The following CSMD1 variants were observed in gnomAD, a reference collection of about 807,000 sequenced individuals.
CSMD1 encodes CUB and sushi domain-containing protein 1.
CSMD1 carries 213 observed loss-of-function variants against 417.5 expected under a neutral mutation model. The observed-to-expected ratio is 0.51, with a 90% CI of 0.46 to 0.57. The LOEUF (loss-of-function observed/expected upper bound fraction) is 0.57. CSMD1 is among the 20% of genes least tolerant of loss of function. The probability of loss-of-function intolerance (pLI) is 0.00; values close to 1 mark genes in which losing one functional copy is unlikely to be tolerated. For missense variants in CSMD1, 6,923 were observed against 4,529.7 expected (o/e 1.53, Z -15.17); for synonymous variants, 2,862 against 1,736.8 (o/e 1.65, Z -16.11).
Position 3,399,430 on chromosome 8 carries a change from T to C in CSMD1, c.2366A>G (p.Glu789Gly), listed in dbSNP as rs1424444674. The change falls in exon 16 of 70, where the codon GAA (glutamate) becomes GGA (glycine). Residue 789 changes from glutamate to glycine, a missense_variant. Coordinates refer to ENST00000635120, the MANE Select transcript of CSMD1 (RefSeq NM_033225.6). The part of the protein sequence containing the change: ...KDSLHCEWII[E>G]AKPGHSIKIT... ...TTTGATAGAGTGGCCTGGTTTTGCT[T>C]CAATTATCCATTCACAATGTAAAGA... 6.2e-7 allele frequency: 1 copy of C among 1,608,538 alleles called. No individual in the cohort carries two copies. The highest frequency in any genetic ancestry group is 8.5e-7 in the Non-Finnish European group (1 of 1,177,698).
At chr8:4,397,614 G>T (rs1044079898) in intron 3 of CSMD1, among the ~76,000 whole-genome samples, 1 of 123,682 alleles carries the variant, frequency 8.1e-6, no homozygotes, top group African/African-American at 3.1e-5. Context: ...ACTTTTATTT[G>T]CTAATGAAAC....
intron 4 of CSMD1, among the ~76,000 whole-genome samples, chr8:4,003,848 T>A (rs923153572): frequency 9.2e-5 from 2 of 21,644 alleles, no homozygotes; most frequent in Non-Finnish European, 2.2e-4. Flanking sequence ...ATGTGAACTA[T>A]TTAATCACAT....
At chr8:3,857,991 G>C (rs962236728) in intron 5 of CSMD1, among the ~76,000 whole-genome samples, 9 of 152,150 alleles carry the variant, frequency 5.9e-5, no homozygotes, top group African/African-American at 1.9e-4. Flanking sequence ...GGCATGGTGC[G>C]GTCTCTGCAC....
chr8:4,019,818 C>T (rs541505209), intron 4 of CSMD1, among the ~76,000 whole-genome samples: 1 of 151,792 alleles, frequency 6.6e-6, no homozygotes, highest in East Asian at 1.9e-4. Flanking sequence ...GCCTTTCTTT[C>T]ACTAGGCACT....
chr8:4,920,897 A>AG (rs1406067483), intron 1 of CSMD1, among the ~76,000 whole-genome samples: 1 of 70,608 alleles, frequency 1.4e-5, no homozygotes, highest in Non-Finnish European at 3.1e-5. Flanking sequence ...AAAAGAAAAG[A>AG]AAAGAAAAGA....
chr8:4,239,021 A>C (rs546700288), intron 3 of CSMD1, among the ~76,000 whole-genome samples: 1 of 152,144 alleles, frequency 6.6e-6, no homozygotes, highest in African/African-American at 2.4e-5. Flanking sequence ...TTAGGTTCGA[A>C]AATCTGCTTT....
rs972054132 is a variant in CSMD1, at chr8:4,026,026, C to G, written c.610+5879G>C. ...AGGAACTCTATAAAAAAAAAAAAAA[C>G]TCTTCAACCAGTTCCTGCAAATAAA... is the stretch of plus-strand genomic sequence containing the variant. On this transcript the variant is annotated intron_variant, in intron 4 of 69. Transcript: ENST00000635120. Among the ~76,000 whole-genome samples the G allele has an allele frequency of 2.2e-5, 3 of 137,250 alleles. No individual in the cohort carries two copies. The East Asian group carries it at 6.9e-4, about 32-fold the overall frequency. The allele number at this position is 137,250 out of a possible 152,430, so 90.0% of individuals were successfully genotyped here.
chr8:4,316,927 G>C (rs557547983), intron 3 of CSMD1, among the ~76,000 whole-genome samples: 188 of 150,952 alleles, frequency 1.2e-3, no homozygotes, highest in African/African-American at 4.0e-3. Flanking sequence ...GCCAGGTACT[G>C]AATGAAAATA....
intron 7 of CSMD1, among the ~76,000 whole-genome samples, chr8:3,669,766 A>G (rs1224456223): frequency 1.3e-5 from 2 of 152,146 alleles, no homozygotes; most frequent in Admixed American, 6.5e-5. Flanking sequence ...CTGAGGCTAC[A>G]CACACTCATC....
At chr8:3,409,863 C>T (rs1812572999) in intron 12 of CSMD1, among the ~76,000 whole-genome samples, 1 of 152,328 alleles carries the variant, frequency 6.6e-6, no homozygotes, top group Middle Eastern at 3.4e-3. Context: ...ACGCTGACAA[C>T]ACAAATGCTG....
chr8:3,299,650 C>T (rs1804241229), intron 25 of CSMD1, among the ~76,000 whole-genome samples: 1 of 151,982 alleles, frequency 6.6e-6, no homozygotes, highest in African/African-American at 2.4e-5. Context: ...CAAGAGAAAG[C>T]AGGAAAGGAA....
chr8:3,949,607 G>A (rs951197767), intron 5 of CSMD1, among the ~76,000 whole-genome samples: 1 of 152,084 alleles, frequency 6.6e-6, no homozygotes, highest in Non-Finnish European at 1.5e-5. Flanking sequence ...ACATGAGGGT[G>A]GGTGGTTTGT....
At chr8:4,800,408 A>AG (rs1322366989) in intron 1 of CSMD1, among the ~76,000 whole-genome samples, 2 of 149,318 alleles carry the variant, frequency 1.3e-5, no homozygotes, top group Non-Finnish European at 3.0e-5. Flanking sequence ...ACTGTACTCC[A>AG]GGCTGGGTGA....
At chr8:4,000,270 A>G (rs548453587) in intron 4 of CSMD1, among the ~76,000 whole-genome samples, 1 of 151,994 alleles carries the variant, frequency 6.6e-6, no homozygotes, top group East Asian at 1.9e-4. Flanking sequence ...AAGCACACAC[A>G]CTTCCCTGGT....
At chr8:3,959,032 T>G (rs2627494) in intron 5 of CSMD1, among the ~76,000 whole-genome samples, 20 of 151,976 alleles carry the variant, frequency 1.3e-4, no homozygotes, top group Non-Finnish European at 2.8e-4. Flanking sequence ...GGCTTCTCCA[T>G]GCTCCTCCAT....
chr8:3,977,418 G>C (rs949778030), intron 5 of CSMD1, among the ~76,000 whole-genome samples: 6 of 151,984 alleles, frequency 3.9e-5, no homozygotes, highest in Non-Finnish European at 4.4e-5. Flanking sequence ...TTTTGTTGTT[G>C]TTCCTGTTTT....
chr8:2,941,151 A>C (rs1801845950), intron 69 of CSMD1, among the ~76,000 whole-genome samples: 1 of 152,220 alleles, frequency 6.6e-6, no homozygotes, highest in Non-Finnish European at 1.5e-5. Context: ...AATTTTCTAA[A>C]TATCATCTGA....
chr8:3,599,706 G>A (rs761960795), intron 8 of CSMD1, among the ~76,000 whole-genome samples: 4 of 152,130 alleles, frequency 2.6e-5, no homozygotes, highest in African/African-American at 4.8e-5. Context: ...AGTATCTGCT[G>A]CATGCCCAGA....
chr8:3,943,857 A>G (rs1000723158), intron 5 of CSMD1, among the ~76,000 whole-genome samples: 1 of 152,126 alleles, frequency 6.6e-6, no homozygotes, highest in Non-Finnish European at 1.5e-5. Flanking sequence ...GCCGTTTCCT[A>G]TTTAGGGAAA....
Sources: allele counts gnomAD v4.1 joint callset (sites outside exome capture counted in the v4.1 genomes callset), GRCh38; gene constraint gnomAD v4.1.1; transcripts MANE v1.5; gene names NCBI Gene and HGNC (gene_info 2026-07-23, HGNC 2026-07-21).